The following CSMD1 variants were observed in gnomAD, a reference collection of about 807,000 sequenced individuals.
CSMD1 encodes the protein CUB and Sushi multiple domains 1, also known as CUB and sushi domain-containing protein 1.
A neutral mutation model predicts 417.5 loss-of-function variants in CSMD1; 213 were observed. The observed-to-expected ratio is 0.51, with a 90% CI of 0.46 to 0.57. The LOEUF (loss-of-function observed/expected upper bound fraction) is 0.57, where lower values mean the gene tolerates loss of function less well. Ranked by LOEUF, CSMD1 falls within the 20% of genes least tolerant of loss-of-function variation. The probability of loss-of-function intolerance (pLI) is 0.00; values close to 1 mark genes in which losing one functional copy is unlikely to be tolerated. For missense variants in CSMD1, 6,923 were observed against 4,529.7 expected (o/e 1.53, Z -15.17); for synonymous variants, 2,862 against 1,736.8 (o/e 1.65, Z -16.11).
intron 12 of CSMD1, among the ~76,000 whole-genome samples, chr8:3,452,818 G>C (rs964755646): frequency 6.6e-6 from 1 of 152,200 alleles, no homozygotes; most frequent in Admixed American, 6.5e-5. Flanking sequence ...GTATCAGGAT[G>C]ATGTTGGCCT....
chr8:4,746,552 C>T (rs1337213485), intron 1 of CSMD1, among the ~76,000 whole-genome samples: 1 of 152,176 alleles, frequency 6.6e-6, no homozygotes, highest in Non-Finnish European at 1.5e-5. Context: ...AGACGAAGGG[C>T]TTGCCCAAGT....
intron 3 of CSMD1, among the ~76,000 whole-genome samples, chr8:4,127,130 T>A (rs982082284): frequency 6.6e-6 from 1 of 152,112 alleles, no homozygotes; most frequent in African/African-American, 2.4e-5. Context: ...GAAATGCTTC[T>A]CTGATCCATC....
chr8:4,524,976 C>T (rs1406610437), intron 2 of CSMD1, among the ~76,000 whole-genome samples: 2 of 152,088 alleles, frequency 1.3e-5, no homozygotes, highest in South Asian at 2.1e-4. Context: ...CAACTTGCCA[C>T]GTATTTTTTT....
chr8:3,547,061 G>A (rs1192804929), intron 10 of CSMD1, among the ~76,000 whole-genome samples: 2 of 152,154 alleles, frequency 1.3e-5, no homozygotes, highest in East Asian at 3.9e-4. Context: ...CTGTTTAGCT[G>A]GAGACCTGAC....
chr8:4,250,875 C>G (rs1480097591), intron 3 of CSMD1, among the ~76,000 whole-genome samples: 1 of 152,178 alleles, frequency 6.6e-6, no homozygotes, highest in Non-Finnish European at 1.5e-5. Flanking sequence ...GGTATTCCTA[C>G]TACCCTGATG....
intron 4 of CSMD1, among the ~76,000 whole-genome samples, chr8:4,009,348 A>G (rs765457128): frequency 6.6e-6 from 1 of 152,238 alleles, no homozygotes; most frequent in Non-Finnish European, 1.5e-5. Context: ...TCTTACGGAC[A>G]TAATTTAAAA....
chr8:3,168,664 T>C (rs1443452375), intron 37 of CSMD1, among the ~76,000 whole-genome samples: 1 of 133,460 alleles, frequency 7.5e-6, no homozygotes, highest in East Asian at 3.0e-4. Context: ...AATATATATA[T>C]ATATGGAAAA....
intron 12 of CSMD1, among the ~76,000 whole-genome samples, chr8:3,424,028 C>T (rs270074): frequency 0.24 from 35,835 of 152,052 alleles, 4,453 homozygotes; most frequent in Non-Finnish European, 0.28. Flanking sequence ...CTCTTCCGTA[C>T]CATTTTAAAA....
chr8:4,222,960 T>G (rs79211055), intron 3 of CSMD1, among the ~76,000 whole-genome samples: 1 of 152,058 alleles, frequency 6.6e-6, no homozygotes, highest in East Asian at 1.9e-4. Flanking sequence ...AAAAAAAAAA[T>G]AATTTGGGCT....
At chr8:3,416,271 C>G (rs76024938) in intron 12 of CSMD1, among the ~76,000 whole-genome samples, 49 of 142,104 alleles carry the variant, frequency 3.4e-4, no homozygotes, top group African/African-American at 1.3e-3. Context: ...CAACTGCACT[C>G]CAGCCTGAGC....
intron 5 of CSMD1, among the ~76,000 whole-genome samples, chr8:3,776,543 T>C (rs1010326431): frequency 1.3e-5 from 2 of 152,254 alleles, no homozygotes; most frequent in South Asian, 2.1e-4. Flanking sequence ...GCCCTCTGCA[T>C]AGAATGCCAG....
Position 3,818,317 on chromosome 8 carries a change from G to C in CSMD1, c.819-64275C>G, listed in dbSNP as rs544959377. Reference sequence around the variant, plus strand: ...TAGTGGGAGAGAAGAACATACACATGTTCCAAAGAAACTCCCTCATGTGAG... The same window carrying C: ...TAGTGGGAGAGAAGAACATACACATCTTCCAAAGAAACTCCCTCATGTGAG... On this transcript the variant is annotated intron_variant, in intron 5 of 69. Coordinates refer to ENST00000635120, the MANE Select transcript of CSMD1 (RefSeq NM_033225.6). 1.4e-4 allele frequency among the ~76,000 whole-genome samples: 22 copies of C among 152,234 alleles called. 1 individual carries two copies. The South Asian group carries it at 4.6e-3, about 32-fold the overall frequency.
intron 5 of CSMD1, among the ~76,000 whole-genome samples, chr8:3,987,723 C>T (rs757271472): frequency 6.6e-6 from 1 of 152,154 alleles, no homozygotes; most frequent in African/African-American, 2.4e-5. Flanking sequence ...AGGTCACTAG[C>T]AGCATAAAGT....
rs1331698157 is a variant in CSMD1 at position 3,087,340 on chromosome 8, T to A, written c.7286-55A>T. 4 of 1,529,988 alleles carry A rather than the reference T, an allele frequency of 2.6e-6. No homozygotes were observed. The East Asian group carries it at 6.8e-5, about 26-fold the overall frequency. 94.8% of individuals were successfully genotyped at this position (1,529,988 alleles called of 1,614,324 possible). A position where few individuals can be genotyped will look rare whatever the true frequency, so the allele number is the denominator to read the frequency against. ...AGTCAACAAGCAAACAAATGGCCAGTGCCATTGCCTTTGTGAGAGTCTATA... is the reference window on the plus strand; with the variant it reads ...AGTCAACAAGCAAACAAATGGCCAGAGCCATTGCCTTTGTGAGAGTCTATA... On this transcript the variant is annotated intron_variant, in intron 48 of 69. Coordinates refer to ENST00000635120, the MANE Select transcript of CSMD1 (RefSeq NM_033225.6).
chr8:4,127,441 C>T (rs1350841962), intron 3 of CSMD1, among the ~76,000 whole-genome samples: 4 of 122,344 alleles, frequency 3.3e-5, no homozygotes, highest in Admixed American at 1.0e-4. Context: ...ACACAGTTTT[C>T]CAAGCATTAA....
At position 3,422,823 on chromosome 8, in the gene CSMD1, G is replaced by A. The variant is rs550351427; in HGVS notation, c.1562-13218C>T. Among the ~76,000 whole-genome samples, 3 of 152,280 alleles carry A rather than the reference G, an allele frequency of 2.0e-5. No individual in the cohort carries two copies. The East Asian group carries it at 5.8e-4, about 29-fold the overall frequency. ...AAGATCAAGATAAAGGCACTGGGAAGGTTGGTGTCTGATGACAACTGCTCT... is the reference window on the plus strand; with the variant it reads ...AAGATCAAGATAAAGGCACTGGGAAAGTTGGTGTCTGATGACAACTGCTCT... On this transcript the variant is annotated intron_variant, in intron 12 of 69. Transcript: ENST00000635120.
chr8:4,715,139 G>A lies in CSMD1; in HGVS notation c.86-77581C>T, dbSNP rs190971202. Among the ~76,000 whole-genome samples the A allele has an allele frequency of 3.0e-3, 452 of 152,214 alleles. 2 individuals carry two copies. Among genetic ancestry groups the A allele is most frequent in the African/African-American group, 0.01 (422 of 41,544 alleles). On this transcript the variant is annotated intron_variant, in intron 1 of 69. Transcript: ENST00000635120. The stretch of plus-strand genomic sequence containing the variant: ...AGATCCAAAAACTAGTAAGATTAAC[G>A]TAACTATAAACTAACTATGCTTTAG...
chr8:3,365,272 G>C (rs994815346), intron 20 of CSMD1, among the ~76,000 whole-genome samples: 2 of 152,172 alleles, frequency 1.3e-5, no homozygotes, highest in Non-Finnish European at 2.9e-5. Context: ...CTTCACTTGA[G>C]TAGTGAAATA....
intron 3 of CSMD1, among the ~76,000 whole-genome samples, chr8:4,388,180 G>A (rs954722266): frequency 6.6e-6 from 1 of 152,092 alleles, no homozygotes. Flanking sequence ...CATCTACCCA[G>A]AGGAAAAGAA....
Sources: gnomAD v4.1 joint callset for allele counts (sites outside exome capture counted in the v4.1 genomes callset) on GRCh38, gnomAD v4.1.1 for gene constraint, MANE v1.5 for transcripts, NCBI Gene and HGNC (gene_info 2026-07-23, HGNC 2026-07-21) for gene names.